The following KDM2B variants were observed in gnomAD, a reference collection of about 807,000 sequenced individuals.
KDM2B encodes the protein lysine demethylase 2B.
KDM2B carries 26 observed loss-of-function variants against 150.0 expected under a neutral mutation model. The observed-to-expected ratio is 0.17, with a 90% CI of 0.13 to 0.24. KDM2B has a LOEUF of 0.24. KDM2B is among the 10% of genes least tolerant of loss of function. KDM2B has a pLI of 1.00. For missense variants in KDM2B, 1,265 were observed against 1,816.9 expected, an observed-to-expected ratio of 0.70 and a Z score of 5.52; for synonymous variants, 734 against 729.5, an observed-to-expected ratio of 1.01 and a Z score of -0.10.
intron 1 of KDM2B, chr12:121,580,087 C>A: frequency 6.4e-7 from 1 of 1,567,636 alleles, no homozygotes; most frequent in Non-Finnish European, 8.6e-7. Context: ...ATTGTCAACA[C>A]TCCTGCCCCC....
chr12:121,489,832 T>C (rs782413425), intron 12 of KDM2B, among the ~76,000 whole-genome samples: 17 of 152,260 alleles, frequency 1.1e-4, no homozygotes, highest in Admixed American at 7.2e-4. Flanking sequence ...CTGTATTTTT[T>C]CACAAGTCCC....
chr12:121,535,806 TG>T (rs1555308632), intron 6 of KDM2B, among the ~76,000 whole-genome samples: 1 of 152,098 alleles, frequency 6.6e-6, no homozygotes, highest in Non-Finnish European at 1.5e-5. Context: ...CCTCAACTGC[TG>T]CCCTCTTAGG....
chr12:121,444,566 G>A (rs782341369), intron 14 of KDM2B, 30 bp from the exon 15 acceptor site: 12 of 1,597,882 alleles, frequency 7.5e-6, no homozygotes, highest in African/African-American at 4.0e-5. Context: ...TCAGAAGAGG[G>A]ACGGGCGGAG....
At chr12:121,440,145 C>T in intron 21 of KDM2B, 70 bp from the exon 22 acceptor site, 3 of 1,138,562 alleles carry the variant, frequency 2.6e-6, no homozygotes, top group Non-Finnish European at 3.8e-6. Context: ...TGACATGACA[C>T]TCTAAAAGGC....
rs546696793 is a variant in KDM2B, at chr12:121,507,167, A to G, written c.1647+2400T>C. Among the ~76,000 whole-genome samples the G allele has an allele frequency of 7.3e-5, 11 of 151,272 alleles. No homozygotes were observed. In the South Asian group the frequency reaches 2.3e-3, roughly 32 times the overall value. ...TAAGTGACTAGGTTATACAAAAAAGACAGCGTGGGCAACATGGGAGACCCC... is the reference window on the plus strand; with the variant it reads ...TAAGTGACTAGGTTATACAAAAAAGGCAGCGTGGGCAACATGGGAGACCCC... On this transcript the variant is annotated intron_variant, in intron 11 of 22. Coordinates refer to ENST00000377071, the MANE Select transcript of KDM2B (RefSeq NM_032590.5).
intron 4 of KDM2B, among the ~76,000 whole-genome samples, chr12:121,573,635 A>G (rs1179509460): frequency 7.0e-6 from 1 of 143,224 alleles, no homozygotes; most frequent in Non-Finnish European, 1.5e-5. Context: ...CCCAGGCTGG[A>G]GCGCAGTGGC....
intron 7 of KDM2B, among the ~76,000 whole-genome samples, chr12:121,534,051 T>G (rs1555308275): frequency 6.6e-6 from 1 of 151,296 alleles, no homozygotes; most frequent in Non-Finnish European, 1.5e-5. Context: ...TAAAAAATAA[T>G]AATTTTTTAA....
intron 12 of KDM2B, chr12:121,493,870 TA>T (rs1593940421): frequency 6.6e-6 from 1 of 152,292 alleles, no homozygotes. Flanking sequence ...TATTTTATTT[TA>T]TTTTTTGAGA....
the KDM2B span, among the ~76,000 whole-genome samples, chr12:121,421,371 TAAAAAAAAAAAA>T: frequency 1.3e-4 from 6 of 46,378 alleles, no homozygotes; most frequent in East Asian, 6.1e-4. Context: ...ATCCCATCTC[TAAAAAAAAAAAA>T]AAAAAAAAAA....
At chr12:121,561,649 G>C (rs1401132050) in intron 4 of KDM2B, among the ~76,000 whole-genome samples, 1 of 152,092 alleles carries the variant, frequency 6.6e-6, no homozygotes, top group Non-Finnish European at 1.5e-5. Context: ...ACCCATCTAT[G>C]TCCAGCCCCA....
At chr12:121,416,979 TA>T in the KDM2B span, among the ~76,000 whole-genome samples, 6 of 152,260 alleles carry the variant, frequency 3.9e-5, no homozygotes, top group Non-Finnish European at 1.5e-5. Context: ...GTGCCCTCTT[TA>T]AGCTTCTCTA....
intron 13 of KDM2B, among the ~76,000 whole-genome samples, chr12:121,449,963 G>A (rs146688603): frequency 2.6e-5 from 4 of 152,264 alleles, no homozygotes; most frequent in African/African-American, 9.6e-5. Flanking sequence ...CCAGAGACCT[G>A]ATAAGGGTTA....
At position 121,521,194 on chromosome 12, in the gene KDM2B, A is replaced by T; in HGVS notation, c.932-94T>A. 1 of 832,042 alleles carries T rather than the reference A, an allele frequency of 1.2e-6. No individual in the cohort carries two copies. Among genetic ancestry groups the T allele is most frequent in the South Asian group, 1.5e-5 (1 of 68,316 alleles). The allele number at this position is 832,042 out of a possible 1,614,324, so 51.5% of individuals were successfully genotyped here. ...CAGGGAGGGAGAGCGAGCGTGCAGGAGGGTGCAGGGAGTGGAGAAGAGCAG... is the reference window on the plus strand; with the variant it reads ...CAGGGAGGGAGAGCGAGCGTGCAGGTGGGTGCAGGGAGTGGAGAAGAGCAG... On this transcript the variant is annotated intron_variant, in intron 8 of 22. Transcript: ENST00000377071. This position sits in a 1 kb window ranked among gnomAD's most constrained non-coding sequence, Gnocchi z 4.9.
chr12:121,574,461 A>T, intron 4 of KDM2B, 86 bp downstream of exon 4: 2 of 1,308,816 alleles, frequency 1.5e-6, no homozygotes, highest in Non-Finnish European at 2.2e-6. Flanking sequence ...AGAGGCAGTT[A>T]AAAGTCTAAA....
chr12:121,431,930 C>T (rs1378691853), intron 22 of KDM2B, among the ~76,000 whole-genome samples: 2 of 136,026 alleles, frequency 1.5e-5, no homozygotes, highest in African/African-American at 5.6e-5. Context: ...GTTGCCCAGG[C>T]TGGAATGCAG....
chr12:121,578,601 G>A (rs1271488076), intron 2 of KDM2B, among the ~76,000 whole-genome samples: 5 of 151,952 alleles, frequency 3.3e-5, no homozygotes, highest in African/African-American at 4.8e-5. Context: ...CCGGGCCTAG[G>A]CCCATGCCCG....
In KDM2B at chr12:121,509,886, G is replaced by C. The variant is rs1885427039; in HGVS notation, c.1328C>G (p.Ser443Cys). 1.9e-6 allele frequency: 3 copies of C among 1,613,582 alleles called. No individual in the cohort carries two copies. The East Asian group carries it at 6.7e-5, about 36-fold the overall frequency. The change falls in exon 11 of 23, where the codon TCC (serine) becomes TGC (cysteine). Residue 443 changes from serine to cysteine, a missense_variant. Ser to Cys is a moderately radical substitution (Grantham distance 112, BLOSUM62 -1). Coordinates refer to ENST00000377071, the MANE Select transcript of KDM2B (RefSeq NM_032590.5). Reference sequence around the variant, plus strand: ...AGAGGGCGTGCTGGTGGGTGAAGTGGAGCCATCGGTGGGCGGTTTGGGTGC... The same window carrying C: ...AGAGGGCGTGCTGGTGGGTGAAGTGCAGCCATCGGTGGGCGGTTTGGGTGC... ...DRAPKPPTDG[S>C]TSPTSTPSED...
chr12:121,520,955 G>T lies in KDM2B; in HGVS notation c.1047+30C>A. The T allele has an allele frequency of 6.4e-7, 1 of 1,560,938 alleles. No individual in the cohort carries two copies. Among genetic ancestry groups the T allele is most frequent in the Non-Finnish European group, 8.8e-7 (1 of 1,132,312 alleles). On this transcript the variant is annotated intron_variant, in intron 9 of 22. Transcript: ENST00000377071. This position sits in a 1 kb window ranked among gnomAD's most constrained non-coding sequence, Gnocchi z 4.5. ...CCGGCAGAGCTCAGGGGCCAGGCGC[G>T]CACGCGAGGACAGAAGGGAACCTCC...
chr12:121,575,641 G>A lies in KDM2B; in HGVS notation c.350+140C>T. 5.8e-6 allele frequency: 4 copies of A among 689,876 alleles called. No individual in the cohort carries two copies. The South Asian group carries it at 6.8e-5, about 12-fold the overall frequency. 42.7% of individuals were successfully genotyped at this position (689,876 alleles called of 1,614,324 possible). The stretch of plus-strand genomic sequence containing the variant: ...TTCCCCTTTGTCAGGCCTTGAACAA[G>A]GAGATGCTGTTCCCAGATCGTGAAA... On this transcript the variant is annotated intron_variant, in intron 3 of 22. Transcript: ENST00000377071. This position sits in a 1 kb window ranked among gnomAD's most constrained non-coding sequence, Gnocchi z 4.4.
Sources: gnomAD v4.1 joint callset for allele counts (sites outside exome capture counted in the v4.1 genomes callset) on GRCh38, gnomAD v4.1.1 for gene constraint, Gnocchi (gnomAD v3.1) non-coding constraint, MANE v1.5 for transcripts, NCBI Gene and HGNC (gene_info 2026-07-23, HGNC 2026-07-21) for gene names.